Variants in ATP2B2 observed in about 807,000 individuals in gnomAD.
ATP2B2 encodes the protein plasma membrane calcium-transporting ATPase 2.
In ATP2B2, 15 loss-of-function variants were observed where a neutral mutation model predicts 120.0. The observed-to-expected ratio is 0.12, with a 90% CI of 0.08 to 0.19. The LOEUF (loss-of-function observed/expected upper bound fraction) is 0.19. ATP2B2 is among the 10% of genes least tolerant of loss of function. The pLI, the probability that ATP2B2 is intolerant of heterozygous loss-of-function variation, is 1.00. For missense variants in ATP2B2, 1,045 were observed against 1,719.8 expected, an observed-to-expected ratio of 0.61 and a Z score of 6.94; for synonymous variants, 694 against 700.3, an observed-to-expected ratio of 0.99 and a Z score of 0.14.
chr3:10,486,320 C>CGTGCGTGCGTGT (rs1553616038), intron 1 of ATP2B2, among the ~76,000 whole-genome samples: 1 of 115,816 alleles, frequency 8.6e-6, no homozygotes, highest in Non-Finnish European at 2.0e-5. Flanking sequence ...GGTGTGTGTG[C>CGTGCGTGCGTGT]GTGCGTGTGT....
chr3:10,335,615 A>G (rs1027895350), intron 22 of ATP2B2, among the ~76,000 whole-genome samples: 7 of 152,274 alleles, frequency 4.6e-5, no homozygotes, highest in African/African-American at 1.4e-4. Context: ...GTGGATCCCA[A>G]TGTGACTGAC....
intron 1 of ATP2B2, among the ~76,000 whole-genome samples, chr3:10,681,344 GA>G (rs1378515040): frequency 6.6e-6 from 1 of 152,202 alleles, no homozygotes. Flanking sequence ...GAGGCAAAAT[GA>G]TTGCAATCTC....
intron 1 of ATP2B2, among the ~76,000 whole-genome samples, chr3:10,677,448 G>T (rs917177642): frequency 6.6e-6 from 1 of 152,160 alleles, no homozygotes; most frequent in Non-Finnish European, 1.5e-5. Flanking sequence ...TTGGGGCAGT[G>T]AACCTACTCT....
intron 2 of ATP2B2, among the ~76,000 whole-genome samples, chr3:10,548,084 G>A (rs2067590542): frequency 6.6e-6 from 1 of 152,186 alleles, no homozygotes; most frequent in Non-Finnish European, 1.5e-5. Context: ...CTGACACTCA[G>A]CAGGACCACA....
intron 13 of ATP2B2, 52 bp downstream of exon 13, chr3:10,359,830 C>T: frequency 6.2e-7 from 1 of 1,612,640 alleles, no homozygotes. Flanking sequence ...ACATCCCCAG[C>T]TCCCTGCACC....
chr3:10,410,901 CAG>C (rs1318504267), intron 2 of ATP2B2, 86 bp from the exon 3 acceptor site: 1 of 1,504,086 alleles, frequency 6.6e-7, no homozygotes, highest in Non-Finnish European at 9.1e-7. Context: ...AAAGGAGAAA[CAG>C]AGCAAGAAAC....
chr3:10,459,594 C>T (rs2064401053), intron 1 of ATP2B2, among the ~76,000 whole-genome samples: 1 of 152,260 alleles, frequency 6.6e-6, no homozygotes, highest in African/African-American at 2.4e-5. Flanking sequence ...TCCTAACTGG[C>T]CTAACTGGCC....
chr3:10,501,320 T>G (rs1381751581), intron 1 of ATP2B2, among the ~76,000 whole-genome samples: 2 of 151,572 alleles, frequency 1.3e-5, no homozygotes, highest in Non-Finnish European at 2.9e-5. Flanking sequence ...GAAGCCACAC[T>G]GCCCAGCAGG....
intron 2 of ATP2B2, among the ~76,000 whole-genome samples, chr3:10,581,684 G>A (rs979188098): frequency 4.6e-5 from 7 of 152,156 alleles, no homozygotes; most frequent in African/African-American, 9.7e-5. Context: ...TTGTAGGGCT[G>A]GTTAGAAACA....
intron 22 of ATP2B2, chr3:10,331,932 G>A: frequency 1.3e-6 from 2 of 1,512,106 alleles, no homozygotes; most frequent in Non-Finnish European, 1.8e-6. Context: ...GAAGCCAAGA[G>A]TCTGGGATTG....
At chr3:10,699,726 G>A (rs1156276090) in intron 1 of ATP2B2, among the ~76,000 whole-genome samples, 1 of 152,138 alleles carries the variant, frequency 6.6e-6, no homozygotes, top group Non-Finnish European at 1.5e-5. Flanking sequence ...AGATCATGGG[G>A]CCTCTGACCT....
At chr3:10,596,379 G>A (rs1337126070) in intron 2 of ATP2B2, among the ~76,000 whole-genome samples, 1 of 152,230 alleles carries the variant, frequency 6.6e-6, no homozygotes, top group Non-Finnish European at 1.5e-5. Flanking sequence ...GTGCAGTGTA[G>A]ACACTTAATA....
intron 1 of ATP2B2, 115 bp from the exon 2 acceptor site, chr3:10,449,977 C>G: frequency 3.2e-6 from 1 of 314,848 alleles, no homozygotes; most frequent in Non-Finnish European, 6.2e-6. Flanking sequence ...CTGACTACAC[C>G]CATGCCCCCT....
chr3:10,547,959 A>C (rs568535940), intron 2 of ATP2B2, among the ~76,000 whole-genome samples: 1 of 152,162 alleles, frequency 6.6e-6, no homozygotes. Context: ...ATTTGGGAGG[A>C]GCACTGGGCA....
At chr3:10,401,812 C>T (rs1021700555) in intron 4 of ATP2B2, among the ~76,000 whole-genome samples, 3 of 152,248 alleles carry the variant, frequency 2.0e-5, no homozygotes, top group African/African-American at 7.2e-5. Flanking sequence ...AGGCTCTGAG[C>T]TGTGACTGAT....
At chr3:10,555,074 G>A (rs867304077) in intron 2 of ATP2B2, among the ~76,000 whole-genome samples, 7 of 152,292 alleles carry the variant, frequency 4.6e-5, no homozygotes, top group Middle Eastern at 3.4e-3. Context: ...CCTCCTTTTC[G>A]CCCCTGCCAA....
At chr3:10,559,392 T>C (rs962633206) in intron 2 of ATP2B2, among the ~76,000 whole-genome samples, 24 of 152,324 alleles carry the variant, frequency 1.6e-4, no homozygotes, top group African/African-American at 5.3e-4. Context: ...GGATTTTGAA[T>C]GTTCCCAACA....
chr3:10,661,182 T>C (rs945997651), intron 1 of ATP2B2, among the ~76,000 whole-genome samples: 6 of 152,030 alleles, frequency 3.9e-5, no homozygotes, highest in Non-Finnish European at 8.8e-5. Context: ...CTCTGAAAAC[T>C]GGCACAAGAC....
chr3:10,555,215 C>T (rs1228336167), intron 2 of ATP2B2, among the ~76,000 whole-genome samples: 1 of 152,252 alleles, frequency 6.6e-6, no homozygotes, highest in Non-Finnish European at 1.5e-5. Context: ...AGATTTCTCT[C>T]AGCCAGGCCC....
Sources: gnomAD v4.1 joint callset for allele counts (sites outside exome capture counted in the v4.1 genomes callset) on GRCh38, gnomAD v4.1.1 for gene constraint, MANE v1.5 for transcripts, NCBI Gene and HGNC (gene_info 2026-07-23, HGNC 2026-07-21) for gene names.